PAX3: variants seen among roughly 807,000 people sequenced by gnomAD.
The protein encoded by PAX3 is paired box protein Pax-3.
A neutral mutation model predicts 51.6 loss-of-function variants in PAX3; 14 were observed. The observed-to-expected ratio is 0.27, with a 90% CI of 0.18 to 0.42. The LOEUF is 0.42. PAX3 is among the 10% of genes least tolerant of loss of function. The pLI, the probability that PAX3 is intolerant of heterozygous loss-of-function variation, is 1.00. For synonymous variants in PAX3, 280 were observed against 253.4 expected (o/e 1.11, Z -1.00); for missense variants, 540 against 642.8 (o/e 0.84, Z 1.73).
chr2:222,202,428 G>T (rs1691334293), intron 7 of PAX3, among the ~76,000 whole-genome samples: 1 of 152,006 alleles, frequency 6.6e-6, no homozygotes, highest in African/African-American at 2.4e-5. Flanking sequence ...GGAGAAGAGG[G>T]GGAAGAGGAA....
At chr2:222,295,384 G>C in intron 3 of PAX3, 144 bp downstream of exon 3, 1 of 959,448 alleles carries the variant, frequency 1.0e-6, no homozygotes, top group South Asian at 1.4e-5. Context: ...CAAGAACACC[G>C]GGTTGGCAAA....
At chr2:222,204,526 T>C (rs975575171) in intron 7 of PAX3, among the ~76,000 whole-genome samples, 10 of 152,216 alleles carry the variant, frequency 6.6e-5, no homozygotes, top group Admixed American at 2.6e-4. Context: ...TTAGAGGTTG[T>C]TTGGTGCCAA....
chr2:222,278,233 G>C (rs1197553453), intron 4 of PAX3, among the ~76,000 whole-genome samples: 1 of 152,134 alleles, frequency 6.6e-6, no homozygotes, highest in Non-Finnish European at 1.5e-5. Flanking sequence ...TGAAGACTGA[G>C]AGTCTAGGAA....
chr2:222,256,517 C>G (rs1046445310), intron 4 of PAX3, among the ~76,000 whole-genome samples: 1 of 152,044 alleles, frequency 6.6e-6, no homozygotes. Flanking sequence ...ACAAAGACCC[C>G]CTAACCTCCT....
chr2:222,245,947 T>C (rs981298932), intron 4 of PAX3, among the ~76,000 whole-genome samples: 8 of 151,948 alleles, frequency 5.3e-5, no homozygotes, highest in African/African-American at 1.9e-4. Context: ...TGCCACTGCA[T>C]TCCAGCCTGG....
intron 5 of PAX3, among the ~76,000 whole-genome samples, chr2:222,224,140 A>G (rs1476929125): frequency 1.3e-5 from 2 of 152,258 alleles, no homozygotes; most frequent in African/African-American, 4.8e-5. Flanking sequence ...AATAGGTAAC[A>G]AAGACATTGA....
At chr2:222,207,982 T>C (rs1257277699) in intron 7 of PAX3, among the ~76,000 whole-genome samples, 2 of 142,038 alleles carry the variant, frequency 1.4e-5, no homozygotes, top group Non-Finnish European at 1.6e-5. Flanking sequence ...TGTATATGTA[T>C]ATATATACAT....
In PAX3 at chr2:222,221,383, C is replaced by A; in HGVS notation, c.797G>T (p.Trp266Leu). 1 of 1,613,456 alleles carries A rather than the reference C, an allele frequency of 6.2e-7. No homozygotes were observed. The highest frequency in any genetic ancestry group is 1.1e-5 in the South Asian group (1 of 91,060). Residue 266 changes from tryptophan to leucine, a missense_variant, in exon 6 of 9, where the codon TGG (tryptophan) becomes TTG (leucine). Transcript: ENST00000392070. ...AKLTEARVQVWFSNRRARWRK... is the reference protein window; with the variant it reads ...AKLTEARVQVLFSNRRARWRK... The stretch of plus-strand genomic sequence containing the variant: ...CCATCTTGCACGGCGGTTGCTAAAC[C>A]AGACCTATGGATTTAATTTAAAATT...
At chr2:222,245,389 G>A (rs906352200) in intron 4 of PAX3, among the ~76,000 whole-genome samples, 1 of 152,192 alleles carries the variant, frequency 6.6e-6, no homozygotes, top group Admixed American at 6.5e-5. Flanking sequence ...GATCTGCACA[G>A]GCAAAACAAA....
chr2:222,233,192 G>A (rs1437365010), intron 4 of PAX3: 1 of 151,762 alleles, frequency 6.6e-6, no homozygotes, highest in Non-Finnish European at 1.5e-5. Context: ...CCTTCTGAGT[G>A]TGTGGCCCTG....
chr2:222,274,490 T>TTAACCAGCAAACG (rs1461883199), intron 4 of PAX3, among the ~76,000 whole-genome samples: 2 of 151,956 alleles, frequency 1.3e-5, no homozygotes, highest in Non-Finnish European at 2.9e-5. Flanking sequence ...TCAAATTATT[T>TTAACCAGCAAACG]TAACCAGCAA....
At chr2:222,258,925 C>A (rs1283286291) in intron 4 of PAX3, among the ~76,000 whole-genome samples, 1 of 149,652 alleles carries the variant, frequency 6.7e-6, no homozygotes, top group Non-Finnish European at 1.5e-5. Flanking sequence ...ACCAAATCTG[C>A]GGTTGACTGT....
rs1014972805 is a variant in PAX3 at position 222,200,794 on chromosome 2, A to G, written c.*614T>C. 34 of 322,720 alleles carry G rather than the reference A, an allele frequency of 1.1e-4. No individual in the cohort carries two copies. Among genetic ancestry groups the G allele is most frequent in the Admixed American group, 1.8e-4 (4 of 21,854 alleles). The allele number at this position is 322,720 out of a possible 1,614,324, so 20.0% of individuals were successfully genotyped here. A position where few individuals can be genotyped will look rare whatever the true frequency, so the allele number is the denominator to read the frequency against. ...CTAGATTACAAATGAGGATACAGTA[A>G]CAAATAATTTATTTAGGAGGTCCTT... On this transcript the variant is annotated 3_prime_UTR_variant, in exon 9 of 9. Transcript: ENST00000392070.
intron 4 of PAX3, among the ~76,000 whole-genome samples, chr2:222,281,611 T>A (rs1466063455): frequency 6.6e-6 from 1 of 152,222 alleles, no homozygotes; most frequent in Non-Finnish European, 1.5e-5. Context: ...GTTGAGAACA[T>A]CACAGCAACT....
intron 1 of PAX3, 128 bp from the exon 2 acceptor site, chr2:222,297,341 C>T: frequency 1.3e-6 from 1 of 745,084 alleles, no homozygotes; most frequent in Non-Finnish European, 2.4e-6. Context: ...GCTGAAACTG[C>T]TCGACATCGG....
intron 3 of PAX3, among the ~76,000 whole-genome samples, chr2:222,294,569 A>T (rs1275584002): frequency 2.0e-5 from 3 of 151,936 alleles, no homozygotes; most frequent in Non-Finnish European, 4.4e-5. Context: ...TTAGGGCCGG[A>T]TGCCATCTTT....
chr2:222,263,226 T>G (rs1693930669), intron 4 of PAX3: 1 of 152,160 alleles, frequency 6.6e-6, no homozygotes, highest in African/African-American at 2.4e-5. Flanking sequence ...ACAAAAGACC[T>G]GCATTGAGAA....
chr2:222,256,747 C>T (rs1219827800), intron 4 of PAX3, among the ~76,000 whole-genome samples: 1 of 152,150 alleles, frequency 6.6e-6, no homozygotes, highest in East Asian at 1.9e-4. Flanking sequence ...GCTTCAATGA[C>T]ACAATTTGTT....
At chr2:222,238,858 C>A (rs989632282) in intron 4 of PAX3, among the ~76,000 whole-genome samples, 1 of 152,200 alleles carries the variant, frequency 6.6e-6, no homozygotes, top group Non-Finnish European at 1.5e-5. Flanking sequence ...TCCAGAAGGT[C>A]TTTAACAGGT....
Sources: gnomAD v4.1 joint callset for allele counts (sites outside exome capture counted in the v4.1 genomes callset) on GRCh38, gnomAD v4.1.1 for gene constraint, MANE v1.5 for transcripts, NCBI Gene and HGNC (gene_info 2026-07-23, HGNC 2026-07-21) for gene names.